The following YAF2 variants were observed in gnomAD, a reference collection of about 807,000 sequenced individuals.
YAF2 encodes the protein YY1-associated factor 2.
Under a neutral mutation model 20.1 loss-of-function variants are expected in YAF2, and 7 were observed. The ratio of observed to expected loss-of-function variants is 0.35; its 90% CI spans 0.20 to 0.65. The LOEUF (loss-of-function observed/expected upper bound fraction) is 0.65. Among genes scored for constraint, YAF2 ranks in the 30% least tolerant of loss-of-function variants. YAF2 has a pLI of 0.69. For missense variants in YAF2, 151 were observed against 219.2 expected, an observed-to-expected ratio of 0.69 and a Z score of 1.96; for synonymous variants, 74 against 76.0, an observed-to-expected ratio of 0.97 and a Z score of 0.14.
chr12:42,171,610 A>G (rs1311142187), intron 2 of YAF2, among the ~76,000 whole-genome samples: 2 of 152,172 alleles, frequency 1.3e-5, no homozygotes, highest in African/African-American at 2.4e-5. Flanking sequence ...GACTACAAGC[A>G]AAAGGGCCAG....
chr12:42,227,526 C>T (rs2067762326), intron 2 of YAF2, among the ~76,000 whole-genome samples: 1 of 146,964 alleles, frequency 6.8e-6, no homozygotes, highest in African/African-American at 2.6e-5. Context: ...CTCTGCCCTG[C>T]CGAGACCCCG....
chr12:42,168,480 C>T (rs2065967960), intron 2 of YAF2, among the ~76,000 whole-genome samples: 2 of 152,062 alleles, frequency 1.3e-5, no homozygotes, highest in Non-Finnish European at 2.9e-5. Context: ...CCATGCCTGG[C>T]CGAAAGACAG....
chr12:42,232,496 A>C (rs563952066), intron 2 of YAF2: 1 of 985,434 alleles, frequency 1.0e-6, no homozygotes, highest in Admixed American at 6.1e-5. Flanking sequence ...GTCCTCTTAC[A>C]GGACAAAAAA....
intron 2 of YAF2, among the ~76,000 whole-genome samples, chr12:42,200,582 T>C (rs2066873885): frequency 6.6e-6 from 1 of 152,208 alleles, no homozygotes. Flanking sequence ...TTAAAAGCTA[T>C]ACAGCAATAT....
At position 42,237,677 on chromosome 12, in the gene YAF2, C is replaced by G; in HGVS notation, c.74G>C (p.Cys25Ser). ...GCTGTTCCGGAAGGTGCAGACGCTA[C>G]AGTCCCAGTAACCCTCATCCGAGGA... ...KPSSDEGYWD[C>S]SVCTFRNSAE... The change falls in exon 2 of 4, where the codon TGT (cysteine) becomes TCT (serine). Residue 25 changes from cysteine to serine, a missense_variant. Cys to Ser is a moderately radical substitution (Grantham distance 112). Around this residue, in one of 3 missense-constraint regions of YAF2, gnomAD observed 50 missense variants for 58.3 expected, o/e 0.86. Transcript: ENST00000534854. The G allele has an allele frequency of 1.3e-6, 2 of 1,590,930 alleles. No individual in the cohort carries two copies. Among genetic ancestry groups the G allele is most frequent in the East Asian group, 2.3e-5 (1 of 42,674 alleles).
At chr12:42,161,408 GCAT>G (rs1378652025) in intron 3 of YAF2, 4 of 451,388 alleles carry the variant, frequency 8.9e-6, no homozygotes, top group South Asian at 5.5e-5. Context: ...AAAGAAAAAA[GCAT>G]CATCACATTT....
intron 2 of YAF2, chr12:42,235,335 C>T (rs780535408): frequency 1.0e-6 from 1 of 1,003,000 alleles, no homozygotes; most frequent in Non-Finnish European, 1.2e-6. Context: ...CTTCTCAACA[C>T]CGTTCTGCAG....
At position 42,203,381 on chromosome 12, in the gene YAF2, G is replaced by GCATCT. The variant is rs542523319; in HGVS notation, c.152+34213_152+34217dup. Among the ~76,000 whole-genome samples the GCATCT allele has an allele frequency of 6.2e-4, 95 of 152,134 alleles. 1 individual carries two copies. The Middle Eastern group carries it at 0.017, about 27-fold the overall frequency. ...TCATTTCTTTTAATATTTCTAGGGAGCATCTCATCTCATTTCTGTTCCTTT... is the reference window on the plus strand; with the variant it reads ...TCATTTCTTTTAATATTTCTAGGGAGCATCTCATCTCATCTCATTTCTGTTCCTTT... On this transcript the variant is annotated intron_variant, in intron 2 of 3. Coordinates refer to ENST00000534854, the MANE Select transcript of YAF2 (RefSeq NM_005748.6).
At chr12:42,186,936 G>A (rs1309006184) in intron 2 of YAF2, among the ~76,000 whole-genome samples, 1 of 152,068 alleles carries the variant, frequency 6.6e-6, no homozygotes, top group Non-Finnish European at 1.5e-5. Context: ...CACCAATTCA[G>A]CGAACTATAA....
intron 2 of YAF2, among the ~76,000 whole-genome samples, chr12:42,166,041 C>T (rs2065909532): frequency 6.6e-6 from 1 of 152,004 alleles, no homozygotes; most frequent in Admixed American, 6.6e-5. Flanking sequence ...ACCTCAGCCT[C>T]CCGAGTAGCT....
chr12:42,170,685 C>A (rs765184724), intron 2 of YAF2, among the ~76,000 whole-genome samples: 2 of 152,060 alleles, frequency 1.3e-5, no homozygotes, highest in Admixed American at 6.5e-5. Context: ...TACACACACA[C>A]ACACACACAA....
chr12:42,176,783 G>A (rs61092335), intron 2 of YAF2, among the ~76,000 whole-genome samples: 4 of 152,102 alleles, frequency 2.6e-5, no homozygotes, highest in East Asian at 1.9e-4. Context: ...CCAATATGGC[G>A]AAACCCCGTC....
intron 2 of YAF2, among the ~76,000 whole-genome samples, chr12:42,185,240 G>A (rs2066442940): frequency 6.6e-6 from 1 of 152,168 alleles, no homozygotes; most frequent in Non-Finnish European, 1.5e-5. Flanking sequence ...AAGAAGATGT[G>A]ACTGAATTGC....
intron 2 of YAF2, among the ~76,000 whole-genome samples, chr12:42,172,846 TGGATGA>T (rs1337951683): frequency 6.6e-6 from 1 of 152,148 alleles, no homozygotes; most frequent in African/African-American, 2.4e-5. Flanking sequence ...TACTACAACA[TGGATGA>T]GCCTACGGCA....
At chr12:42,169,169 T>C (rs534146353) in intron 2 of YAF2, among the ~76,000 whole-genome samples, 2 of 152,332 alleles carry the variant, frequency 1.3e-5, no homozygotes, top group East Asian at 3.9e-4. Flanking sequence ...TCACCAAGTA[T>C]GCCAAAACCA....
intron 2 of YAF2, among the ~76,000 whole-genome samples, chr12:42,223,661 A>G (rs2067590904): frequency 6.6e-6 from 1 of 152,104 alleles, no homozygotes; most frequent in South Asian, 2.1e-4. Context: ...TCGCCCCACC[A>G]GAAGTGCTTT....
chr12:42,165,040 G>A (rs560023547), intron 2 of YAF2, among the ~76,000 whole-genome samples: 3 of 147,984 alleles, frequency 2.0e-5, no homozygotes, highest in Non-Finnish European at 3.0e-5. Flanking sequence ...GGGTGACAGA[G>A]TGAGACCCTG....
At chr12:42,166,961 T>A (rs1376617866) in intron 2 of YAF2, among the ~76,000 whole-genome samples, 1 of 152,226 alleles carries the variant, frequency 6.6e-6, no homozygotes, top group African/African-American at 2.4e-5. Flanking sequence ...CCACCATTTT[T>A]CTGTTTTCTT....
intron 2 of YAF2, among the ~76,000 whole-genome samples, chr12:42,174,576 G>A (rs1236738467): frequency 6.6e-6 from 1 of 152,176 alleles, no homozygotes; most frequent in African/African-American, 2.4e-5. Context: ...AAAAAGTGTA[G>A]TCAACGAATG....
Sources: gnomAD v4.1 joint callset for allele counts (sites outside exome capture counted in the v4.1 genomes callset) on GRCh38, gnomAD v4.1.1 for gene constraint, gnomAD v4.1.1 regional missense constraint, MANE v1.5 for transcripts, NCBI Gene and HGNC (gene_info 2026-07-23, HGNC 2026-07-21) for gene names.